VCP: variants seen among roughly 807,000 people sequenced by gnomAD.
VCP encodes the protein transitional endoplasmic reticulum ATPase.
In VCP, 6 loss-of-function variants were observed where a neutral mutation model predicts 85.7. That is an observed-to-expected ratio of 0.07 (90% CI 0.04 to 0.14). The LOEUF is 0.14. Ranked by LOEUF, VCP falls within the 10% of genes least tolerant of loss-of-function variation. The probability of loss-of-function intolerance (pLI) is 1.00; values close to 1 mark genes in which losing one functional copy is unlikely to be tolerated. For missense variants in VCP, 353 were observed against 1,043.4 expected, an observed-to-expected ratio of 0.34 and a Z score of 9.12; for synonymous variants, 384 against 367.1, an observed-to-expected ratio of 1.05 and a Z score of -0.53.
At chr9:35,067,672 A>G (rs1187254453) in intron 3 of VCP, among the ~76,000 whole-genome samples, 1 of 152,196 alleles carries the variant, frequency 6.6e-6, no homozygotes, top group African/African-American at 2.4e-5. Context: ...AGGAACGCCA[A>G]TTTGTCTCAA....
At chr9:35,068,837 G>C (rs1359131810) in intron 1 of VCP, among the ~76,000 whole-genome samples, 1 of 151,532 alleles carries the variant, frequency 6.6e-6, no homozygotes, top group East Asian at 1.9e-4. Context: ...ATAAAAGAAG[G>C]AATATAATAC....
At chr9:35,063,322 G>T (rs1828763286) in intron 6 of VCP, among the ~76,000 whole-genome samples, 1 of 152,172 alleles carries the variant, frequency 6.6e-6, no homozygotes, top group Non-Finnish European at 1.5e-5. Context: ...GGAGACTAAG[G>T]GCAGAGAAAC....
rs950347333 is a variant in VCP, at chr9:35,072,609, G to C, written c.-256C>G. ...AGCGACGACTCAAACGACGGTCGCA[G>C]ACGCTTCGCTGAGACTGAGCCGAGA... On this transcript the variant is annotated 5_prime_UTR_variant, in exon 1 of 17. Transcript: ENST00000358901. 1 of 477,094 alleles carries C rather than the reference G, an allele frequency of 2.1e-6. No individual in the cohort carries two copies. Among genetic ancestry groups the C allele is most frequent in the African/African-American group, 2.1e-5 (1 of 48,394 alleles). 29.6% of individuals were successfully genotyped at this position (477,094 alleles called of 1,614,324 possible).
At chr9:35,067,826 T>C in intron 3 of VCP, 65 bp downstream of exon 3, 1 of 1,598,704 alleles carries the variant, frequency 6.3e-7, no homozygotes, top group Non-Finnish European at 8.6e-7. Flanking sequence ...AATACATGGG[T>C]CCTGCCTGTA....
At chr9:35,067,773 G>A (rs1254911985) in intron 3 of VCP, 118 bp downstream of exon 3, 1 of 1,335,074 alleles carries the variant, frequency 7.5e-7, no homozygotes, top group Non-Finnish European at 1.1e-6. Context: ...ATGACCAGGA[G>A]GCTTCCTGCA....
chr9:35,058,142 A>C (rs940063031), intron 15 of VCP, among the ~76,000 whole-genome samples: 22 of 152,264 alleles, frequency 1.4e-4, no homozygotes, highest in Admixed American at 6.5e-4. Context: ...CTCAAAACCT[A>C]TCTCTTCCAT....
At chr9:35,065,171 C>A in intron 5 of VCP, 80 bp downstream of exon 5, 2 of 1,606,524 alleles carry the variant, frequency 1.2e-6, no homozygotes, top group Non-Finnish European at 1.7e-6. Context: ...GCCGGCCGAG[C>A]ACCCAGTCCT....
Position 35,068,080 on chromosome 9 carries a change from A to T in VCP, c.130-17T>A. On this transcript the variant is annotated splice_polypyrimidine_tract_variant and intron_variant, in intron 2 of 16. Coordinates refer to ENST00000358901, the MANE Select transcript of VCP (RefSeq NM_007126.5). ...CATCTTGGGCTGAGGAAAGAAAGTT[A>T]AGGCCTTTGGGTCATTGGGCTGACG... The T allele has an allele frequency of 6.2e-7, 1 of 1,614,198 alleles. No individual in the cohort carries two copies. The highest frequency in any genetic ancestry group is 8.5e-7 in the Non-Finnish European group (1 of 1,180,054).
chr9:35,068,100 C>T (rs1209462096), intron 2 of VCP, 37 bp from the exon 3 acceptor site: 2 of 1,613,970 alleles, frequency 1.2e-6, no homozygotes, highest in Non-Finnish European at 1.7e-6. Context: ...GGTCATTGGG[C>T]TGACGGGGAG....
Position 35,059,996 on chromosome 9 carries a change from G to C in VCP, c.1696-195C>G. On this transcript the variant is annotated intron_variant, in intron 13 of 16. Coordinates refer to ENST00000358901, the MANE Select transcript of VCP (RefSeq NM_007126.5). The surrounding 1 kb of genome is among the most constrained non-coding windows in gnomAD (Gnocchi z 4.9). ...AAAAATAAAAAATTAGCCAGATGTG[G>C]TGACGCATGCCTATAGTCCCAGCTA... 1 of 713,696 alleles carries C rather than the reference G, an allele frequency of 1.4e-6. No homozygotes were observed. The highest frequency in any genetic ancestry group is 2.3e-6 in the Non-Finnish European group (1 of 435,138). 44.2% of individuals were successfully genotyped at this position (713,696 alleles called of 1,614,324 possible).
Position 35,062,109 on chromosome 9 carries a change from T to C in VCP, c.975A>G (p.Val325=), listed in dbSNP as rs749849000. 2.5e-6 allele frequency: 4 copies of C among 1,614,010 alleles called. No individual in the cohort carries two copies. The highest frequency in any genetic ancestry group is 3.3e-5 in the Admixed American group (2 of 59,986). ...CATCCATGAGGGTCAACAACTGTGA[T>C]ACAATGCGCCGCTCCACCTCGCCAT... ...KTHGEVERRI[V]SQLLTLMDGL... Residue 325 remains valine (V), a synonymous_variant, in exon 9 of 17, where the codon GTA becomes GTG. Transcript: ENST00000358901.
chr9:35,072,350 C>A lies in VCP; in HGVS notation c.4G>T (p.Ala2Ser), dbSNP rs1191632244. 2 of 1,484,360 alleles carry A rather than the reference C, an allele frequency of 1.3e-6. No homozygotes were observed. Among genetic ancestry groups the A allele is most frequent in the Non-Finnish European group, 8.9e-7 (1 of 1,124,996 alleles). 91.9% of individuals were successfully genotyped at this position (1,484,360 alleles called of 1,614,324 possible). The change falls in exon 1 of 17, where the codon GCT becomes TCT. Residue 2 changes from alanine (A) to serine (S), a missense_variant. By Grantham distance (99) the Ala-to-Ser change is moderately conservative. This residue lies in a region of VCP where 69 missense variants were observed against 132.9 expected (regional missense o/e 0.52). Coordinates refer to ENST00000358901, the MANE Select transcript of VCP (RefSeq NM_007126.5). Reference protein sequence around the residue: MASGADSKGDDL... With the variant: MSSGADSKGDDL... Reference sequence around the variant, plus strand: ...GCGCACACTCACTCGGCTCCAGAAGCCATGGCGCGCGCCTCTCCCGGCCGG... The same window carrying A: ...GCGCACACTCACTCGGCTCCAGAAGACATGGCGCGCGCCTCTCCCGGCCGG...
At position 35,072,571 on chromosome 9, in the gene VCP, C is replaced by T; in HGVS notation, c.-218G>A. The T allele has an allele frequency of 2.0e-6, 1 of 510,304 alleles. No homozygotes were observed. The highest frequency in any genetic ancestry group is 3.3e-6 in the Non-Finnish European group (1 of 303,298). 31.6% of individuals were successfully genotyped at this position (510,304 alleles called of 1,614,324 possible). A position where few individuals can be genotyped will look rare whatever the true frequency, so the allele number is the denominator to read the frequency against. ...ATCCGCGAGGTGGCAGTGGCAGTGG[C>T]AGCGGCAGCGGCAGCGACGACTCAA... On this transcript the variant is annotated 5_prime_UTR_variant, in exon 1 of 17. Coordinates refer to ENST00000358901, the MANE Select transcript of VCP (RefSeq NM_007126.5).
At position 35,057,451 on chromosome 9, in the gene VCP, A is replaced by T; in HGVS notation, c.2240T>A (p.Val747Asp). 2 of 1,614,230 alleles carry T rather than the reference A, an allele frequency of 1.2e-6. No homozygotes were observed. Among genetic ancestry groups the T allele is most frequent in the Non-Finnish European group, 1.7e-6 (2 of 1,180,046 alleles). The change falls in exon 16 of 17, where the codon GTC (valine) becomes GAC (aspartate). Residue 747 changes from valine to aspartate, a missense_variant. Val to Asp is a radical substitution (Grantham distance 152). Transcript: ENST00000358901. Reference sequence around the variant, plus strand: ...ATACTTCCGAATGTCATTGTCACTGACAGAACGGCGCGCAAAGCGCATGGC... The same window carrying T: ...ATACTTCCGAATGTCATTGTCACTGTCAGAACGGCGCGCAAAGCGCATGGC... Reference protein sequence around the residue: ...EEAMRFARRSVSDNDIRKYEM... With the variant: ...EEAMRFARRSDSDNDIRKYEM...
chr9:35,056,501 G>C lies in VCP; in HGVS notation c.*616C>G, dbSNP rs1365200399. ...TCACATTTGGAAGAATGCCTTGGGA[G>C]TGGTGGGTAGCCCAAGGCTGTTCCC... On this transcript the variant is annotated 3_prime_UTR_variant, in exon 17 of 17. Transcript: ENST00000358901. 1.3e-5 allele frequency: 2 copies of C among 157,908 alleles called. No homozygotes were observed. The highest frequency in any genetic ancestry group is 4.8e-5 in the African/African-American group (2 of 41,492). The allele number at this position is 157,908 out of a possible 1,614,324, so 9.8% of individuals were successfully genotyped here.
chr9:35,069,669 C>G (rs1160295995), intron 1 of VCP, among the ~76,000 whole-genome samples: 1 of 152,072 alleles, frequency 6.6e-6, no homozygotes, highest in Admixed American at 6.5e-5. Context: ...TCAGGCTGGT[C>G]TCGAACTCCT....
At chr9:35,069,909 G>C (rs1828906844) in intron 1 of VCP, among the ~76,000 whole-genome samples, 1 of 152,168 alleles carries the variant, frequency 6.6e-6, no homozygotes, top group Non-Finnish European at 1.5e-5. Context: ...TTATGTACCA[G>C]GCATTGTTCT....
chr9:35,072,018 C>T (rs1828960527), intron 1 of VCP: 2 of 1,153,494 alleles, frequency 1.7e-6, no homozygotes, highest in Non-Finnish European at 2.1e-6. Flanking sequence ...GCGGAGTGGG[C>T]CGGAAGACCT....
intron 15 of VCP, chr9:35,057,796 AC>A: frequency 1.9e-6 from 1 of 527,724 alleles, no homozygotes; most frequent in South Asian, 2.0e-5. Flanking sequence ...GGCTAAGGAA[AC>A]TTTTTGAGAT....
Sources: gnomAD v4.1 joint callset for allele counts (sites outside exome capture counted in the v4.1 genomes callset) on GRCh38, gnomAD v4.1.1 for gene constraint, gnomAD v4.1.1 regional missense constraint, Gnocchi (gnomAD v3.1) non-coding constraint, MANE v1.5 for transcripts, NCBI Gene and HGNC (gene_info 2026-07-23, HGNC 2026-07-21) for gene names.